Variants in CATSPERE observed in about 807,000 individuals in gnomAD.
CATSPERE encodes the protein cation channel sperm-associated auxiliary subunit epsilon.
A neutral mutation model predicts 114.1 loss-of-function variants in CATSPERE; 93 were observed. The ratio of observed to expected loss-of-function variants is 0.81; its 90% confidence interval spans 0.69 to 0.97. CATSPERE has a LOEUF of 0.97. Among genes scored for constraint, CATSPERE ranks in the 50% least tolerant of loss-of-function variants. The probability of loss-of-function intolerance (pLI) is 0.00; values close to 1 mark genes in which losing one functional copy is unlikely to be tolerated. For synonymous variants in CATSPERE, 341 were observed against 384.1 expected, an observed-to-expected ratio of 0.89 and a Z score of 1.31; for missense variants, 1,058 against 1,131.6, an observed-to-expected ratio of 0.93 and a Z score of 0.93.
intron 5 of CATSPERE, among the ~76,000 whole-genome samples, chr1:244,489,943 A>G (rs953617628): frequency 1.3e-5 from 2 of 152,162 alleles, no homozygotes; most frequent in Non-Finnish European, 2.9e-5. Context: ...AAAGAAATAG[A>G]TTAGCACTGA....
At chr1:244,477,729 A>G in intron 3 of CATSPERE, 115 bp downstream of exon 3, 1 of 962,094 alleles carries the variant, frequency 1.0e-6, no homozygotes, top group Non-Finnish European at 1.6e-6. Context: ...CATTAAGTAG[A>G]TGTGAAAAGC....
intron 11 of CATSPERE, 57 bp downstream of exon 11, chr1:244,572,829 T>G: frequency 8.6e-7 from 1 of 1,167,652 alleles, no homozygotes. Context: ...AAGTATAATA[T>G]TAACATTTTT....
At chr1:244,506,646 T>C (rs1252262455) in intron 7 of CATSPERE, among the ~76,000 whole-genome samples, 3 of 152,164 alleles carry the variant, frequency 2.0e-5, no homozygotes, top group African/African-American at 7.2e-5. Flanking sequence ...CTTATTAGAT[T>C]GTGTATAGAT....
At chr1:244,552,835 A>G in intron 9 of CATSPERE, 21 bp downstream of exon 9, 1 of 1,136,832 alleles carries the variant, frequency 8.8e-7, no homozygotes, top group Non-Finnish European at 1.1e-6. Context: ...GATATTTTAT[A>G]TTTTATAAAT....
intron 7 of CATSPERE, among the ~76,000 whole-genome samples, chr1:244,512,825 A>G (rs1165984990): frequency 1.3e-5 from 2 of 152,172 alleles, no homozygotes. Flanking sequence ...TAGTCCCTGC[A>G]TGATTTCTTC....
chr1:244,576,481 G>A (rs1238819533), intron 11 of CATSPERE, among the ~76,000 whole-genome samples: 1 of 148,766 alleles, frequency 6.7e-6, no homozygotes, highest in South Asian at 2.2e-4. Context: ...CTCCATCTGC[G>A]AGGAGCATCC....
At chr1:244,610,967 G>A (rs1041426136) in intron 19 of CATSPERE, among the ~76,000 whole-genome samples, 2 of 151,920 alleles carry the variant, frequency 1.3e-5, no homozygotes, top group Non-Finnish European at 2.9e-5. Context: ...CACCATGTTG[G>A]CCAGGCTGGT....
intron 14 of CATSPERE, among the ~76,000 whole-genome samples, chr1:244,588,979 G>C (rs1312254087): frequency 6.6e-6 from 1 of 152,092 alleles, no homozygotes; most frequent in Non-Finnish European, 1.5e-5. Flanking sequence ...CATTTTCTAT[G>C]GGAAATTTCT....
chr1:244,534,236 G>A (rs1197499912), intron 8 of CATSPERE, among the ~76,000 whole-genome samples: 2 of 152,044 alleles, frequency 1.3e-5, no homozygotes, highest in Non-Finnish European at 2.9e-5. Context: ...AATGTCTTGA[G>A]GTAGTCTTCT....
intron 7 of CATSPERE, among the ~76,000 whole-genome samples, chr1:244,506,998 T>C (rs1674927835): frequency 6.6e-6 from 1 of 152,134 alleles, no homozygotes. Flanking sequence ...TATGAGAACA[T>C]ATGATATTTC....
At chr1:244,470,650 G>A (rs1403965697) in intron 2 of CATSPERE, among the ~76,000 whole-genome samples, 1 of 152,162 alleles carries the variant, frequency 6.6e-6, no homozygotes, top group Non-Finnish European at 1.5e-5. Flanking sequence ...TCTGAAGATT[G>A]CACTTCCAGT....
At chr1:244,506,607 A>G (rs1487878052) in intron 7 of CATSPERE, among the ~76,000 whole-genome samples, 1 of 152,154 alleles carries the variant, frequency 6.6e-6, no homozygotes, top group South Asian at 2.1e-4. Context: ...TTATTGAGTA[A>G]CAAGATTTTT....
intron 7 of CATSPERE, among the ~76,000 whole-genome samples, chr1:244,517,808 A>T (rs1676887905): frequency 6.6e-6 from 1 of 151,482 alleles, no homozygotes; most frequent in Non-Finnish European, 1.5e-5. Context: ...AGTATTCTTC[A>T]GGAAAGGCCT....
chr1:244,595,977 G>C (rs1487411888), intron 17 of CATSPERE, among the ~76,000 whole-genome samples: 3 of 152,172 alleles, frequency 2.0e-5, no homozygotes, highest in Non-Finnish European at 4.4e-5. Context: ...CTCTCTGGGA[G>C]AGGGGTAGAG....
At chr1:244,562,966 T>C (rs745796319) in intron 10 of CATSPERE, among the ~76,000 whole-genome samples, 6 of 152,168 alleles carry the variant, frequency 3.9e-5, no homozygotes, top group African/African-American at 9.7e-5. Flanking sequence ...CTCCCACTTA[T>C]GAGTGAGAAC....
rs546772420 is a variant in CATSPERE at position 244,455,508 on chromosome 1, T to G, written n.237+895T>G. On this transcript the variant is annotated intron_variant and non_coding_transcript_variant, in intron 1 of 15. Transcript: ENST00000473875. ...TTGGGTATAAAATTTTTAAGGGTTTTTTTTTTTTTTTAAAGAGCGCTATGG... is the reference window on the plus strand; with the variant it reads ...TTGGGTATAAAATTTTTAAGGGTTTGTTTTTTTTTTTAAAGAGCGCTATGG... 1.2e-4 allele frequency among the ~76,000 whole-genome samples: 18 copies of G among 152,144 alleles called. No individual in the cohort carries two copies. The East Asian group carries it at 3.3e-3, about 28-fold the overall frequency.
rs756821708 is a variant in CATSPERE at position 244,607,407 on chromosome 1, G to A, written c.2403+1613G>A. Among the ~76,000 whole-genome samples the A allele has an allele frequency of 2.5e-4, 38 of 152,184 alleles. No homozygotes were observed. Among genetic ancestry groups the A allele is most frequent in the Non-Finnish European group, 7.3e-5 (5 of 68,036 alleles). On this transcript the variant is annotated intron_variant, in intron 18 of 21. Transcript: ENST00000366534. The surrounding 1 kb of genome is among the most constrained non-coding windows in gnomAD (Gnocchi z 4.4). ...TTACTGGTACCGTATACTCAGAACTGGATCACTTTTCCTCCTGCCCTGAAA... is the reference window on the plus strand; with the variant it reads ...TTACTGGTACCGTATACTCAGAACTAGATCACTTTTCCTCCTGCCCTGAAA...
At chr1:244,588,004 G>C (rs1356206665) in intron 13 of CATSPERE, among the ~76,000 whole-genome samples, 2 of 152,108 alleles carry the variant, frequency 1.3e-5, no homozygotes, top group Admixed American at 1.3e-4. Flanking sequence ...AGACCAGCCT[G>C]ACCAACATGG....
intron 17 of CATSPERE, among the ~76,000 whole-genome samples, chr1:244,603,995 A>C (rs1054334306): frequency 6.6e-6 from 1 of 152,218 alleles, no homozygotes; most frequent in African/African-American, 2.4e-5. Flanking sequence ...CCCATCTCTA[A>C]AATACCAATA....
Sources: gnomAD v4.1 joint callset for allele counts (sites outside exome capture counted in the v4.1 genomes callset) on GRCh38, gnomAD v4.1.1 for gene constraint, Gnocchi (gnomAD v3.1) non-coding constraint, MANE v1.5 for transcripts, NCBI Gene and HGNC (gene_info 2026-07-23, HGNC 2026-07-21) for gene names.